Variants in LUZP2 observed in about 807,000 individuals in gnomAD.
LUZP2 encodes the protein leucine zipper protein 2.
LUZP2 carries 52 observed loss-of-function variants against 51.6 expected under a neutral mutation model. The observed-to-expected ratio is 1.01, with a 90% CI of 0.81 to 1.27. LUZP2 has a LOEUF of 1.27. Among genes scored for constraint, LUZP2 ranks in the 50% most tolerant of loss-of-function variants. The probability of loss-of-function intolerance (pLI) is 0.00; values close to 1 mark genes in which losing one functional copy is unlikely to be tolerated. For synonymous variants in LUZP2, 154 were observed against 137.3 expected (o/e 1.12, Z -0.85); for missense variants, 436 against 395.4 (o/e 1.10, Z -0.87).
chr11:24,521,200 A>G (rs987947723), intron 1 of LUZP2, among the ~76,000 whole-genome samples: 9 of 152,058 alleles, frequency 5.9e-5, no homozygotes, highest in African/African-American at 2.2e-4. Context: ...GAAATGCAAA[A>G]GTTAGTCAGG....
chr11:24,532,563 C>T (rs1851040620), intron 1 of LUZP2, among the ~76,000 whole-genome samples: 1 of 150,944 alleles, frequency 6.6e-6, no homozygotes, highest in Non-Finnish European at 1.5e-5. Context: ...ACAAAAAAGT[C>T]GCTATAACTA....
At chr11:24,586,919 A>G (rs774874738) in intron 1 of LUZP2, among the ~76,000 whole-genome samples, 2 of 152,258 alleles carry the variant, frequency 1.3e-5, no homozygotes, top group South Asian at 2.1e-4. Flanking sequence ...GGCAAATTAT[A>G]TGTTAGGTTT....
At chr11:24,683,357 G>C (rs1856805293) in intron 1 of LUZP2, among the ~76,000 whole-genome samples, 1 of 152,174 alleles carries the variant, frequency 6.6e-6, no homozygotes, top group Admixed American at 6.5e-5. Flanking sequence ...AGATCAGCTT[G>C]ACTGATTTAG....
intron 9 of LUZP2, among the ~76,000 whole-genome samples, chr11:25,023,618 TA>T (rs1857404244): frequency 6.6e-6 from 1 of 152,146 alleles, no homozygotes; most frequent in African/African-American, 2.4e-5. Context: ...AAGGGTTTTT[TA>T]TGTCTCTATC....
At chr11:24,749,682 C>T (rs148355635) in intron 4 of LUZP2, among the ~76,000 whole-genome samples, 1 of 152,244 alleles carries the variant, frequency 6.6e-6, no homozygotes, top group East Asian at 1.9e-4. Context: ...AATAGACAGA[C>T]CCTTGAGTCT....
At chr11:24,517,335 G>A (rs1339933048) in intron 1 of LUZP2, among the ~76,000 whole-genome samples, 1 of 151,106 alleles carries the variant, frequency 6.6e-6, no homozygotes, top group Non-Finnish European at 1.5e-5. Flanking sequence ...CATACAAAAA[G>A]ATTAGCTGGG....
At chr11:25,036,518 G>C (rs1857866445) in intron 9 of LUZP2, among the ~76,000 whole-genome samples, 1 of 132,170 alleles carries the variant, frequency 7.6e-6, no homozygotes, top group South Asian at 2.5e-4. Flanking sequence ...TAGCTTTGGG[G>C]TTAGTTTGTT....
At chr11:24,754,742 AT>A (rs1234473821) in intron 4 of LUZP2, among the ~76,000 whole-genome samples, 2 of 152,156 alleles carry the variant, frequency 1.3e-5, no homozygotes, top group Admixed American at 1.3e-4. Flanking sequence ...CAGACTGGCC[AT>A]TTCTTCAGGA....
intron 1 of LUZP2, among the ~76,000 whole-genome samples, chr11:24,655,284 G>A (rs890685890): frequency 2.0e-5 from 3 of 152,016 alleles, no homozygotes; most frequent in East Asian, 1.9e-4. Context: ...AATTATACAC[G>A]ATTTTATTAC....
intron 10 of LUZP2, among the ~76,000 whole-genome samples, chr11:25,059,268 C>T (rs1265218448): frequency 3.3e-5 from 5 of 151,974 alleles, no homozygotes; most frequent in African/African-American, 9.7e-5. Context: ...GCAAGATCAG[C>T]GATACAAAGT....
chr11:24,529,685 A>C (rs2133821155), intron 1 of LUZP2, among the ~76,000 whole-genome samples: 1 of 151,138 alleles, frequency 6.6e-6, no homozygotes, highest in East Asian at 1.9e-4. Flanking sequence ...TTTCTCCACA[A>C]GTAGTGAAAT....
chr11:24,646,940 A>G (rs1199121921), intron 1 of LUZP2, among the ~76,000 whole-genome samples: 1 of 152,060 alleles, frequency 6.6e-6, no homozygotes, highest in Non-Finnish European at 1.5e-5. Context: ...ATATTGAATT[A>G]CACATGAGGA....
chr11:24,750,756 A>T (rs80351489), intron 4 of LUZP2, among the ~76,000 whole-genome samples: 2,779 of 152,248 alleles, frequency 0.018, 93 homozygotes, highest in African/African-American at 0.064. Context: ...TTATTGTAGA[A>T]ATGCATTTTA....
At position 24,531,325 on chromosome 11, in the gene LUZP2, C is replaced by A. The variant is rs75050256; in HGVS notation, c.62+34020C>A. 8.6e-3 allele frequency among the ~76,000 whole-genome samples: 1,293 copies of A among 150,510 alleles called. 24 individuals carry two copies. Among genetic ancestry groups the A allele is most frequent in the African/African-American group, 0.029 (1,190 of 41,280 alleles). The stretch of plus-strand genomic sequence containing the variant: ...TAATTTTAATTGCCACATAAAGATT[C>A]TACATATTTGAGTACAGTGTGATAT... On this transcript the variant is annotated intron_variant, in intron 1 of 11. Transcript: ENST00000336930.
chr11:24,822,827 G>A (rs1850399478), intron 5 of LUZP2, among the ~76,000 whole-genome samples: 1 of 152,102 alleles, frequency 6.6e-6, no homozygotes, highest in Admixed American at 6.6e-5. Context: ...ATTAATGGTG[G>A]TTAATATGAC....
intron 9 of LUZP2, among the ~76,000 whole-genome samples, chr11:25,007,551 C>T (rs776229140): frequency 4.6e-5 from 7 of 152,076 alleles, no homozygotes; most frequent in African/African-American, 9.6e-5. Flanking sequence ...TGCAGTGGGC[C>T]GAGCTCACAC....
At chr11:25,020,753 A>T (rs1386896787) in intron 9 of LUZP2, among the ~76,000 whole-genome samples, 1 of 151,038 alleles carries the variant, frequency 6.6e-6, no homozygotes, top group Non-Finnish European at 1.5e-5. Context: ...ACAAATTAGG[A>T]CCCTCTAATA....
At chr11:24,752,718 C>G (rs543291346) in intron 4 of LUZP2, among the ~76,000 whole-genome samples, 1 of 151,424 alleles carries the variant, frequency 6.6e-6, no homozygotes, top group Non-Finnish European at 1.5e-5. Flanking sequence ...TTGATTTACT[C>G]TGTTAAAAAA....
At chr11:24,748,583 C>T (rs951957546) in intron 4 of LUZP2, among the ~76,000 whole-genome samples, 4 of 152,032 alleles carry the variant, frequency 2.6e-5, no homozygotes, top group African/African-American at 9.7e-5. Context: ...CCTCAGCCTC[C>T]CTAGTAACTG....
Sources: gnomAD v4.1 joint callset for allele counts (sites outside exome capture counted in the v4.1 genomes callset) on GRCh38, gnomAD v4.1.1 for gene constraint, MANE v1.5 for transcripts, NCBI Gene and HGNC (gene_info 2026-07-23, HGNC 2026-07-21) for gene names.